Variants in PLPP4 observed in about 807,000 individuals in gnomAD.
PLPP4 encodes the protein phospholipid phosphatase 4, also known as diacylglycerol pyrophosphate like 2.
In PLPP4, 20 loss-of-function variants were observed where a neutral mutation model predicts 32.2. That is an observed-to-expected ratio of 0.62 (90% CI 0.44 to 0.90). The LOEUF (loss-of-function observed/expected upper bound fraction) is 0.90. PLPP4 is among the 40% of genes least tolerant of loss of function. The pLI is 0.00. For missense variants in PLPP4, 257 were observed against 353.1 expected (o/e 0.73, Z 2.18); for synonymous variants, 127 against 133.0 (o/e 0.95, Z 0.31).
chr10:120,538,837 G>A (rs1847194949), intron 5 of PLPP4, among the ~76,000 whole-genome samples: 1 of 152,064 alleles, frequency 6.6e-6, no homozygotes, highest in South Asian at 2.1e-4. Context: ...ACTATTACTA[G>A]CCCTATTGTC....
At position 120,487,537 on chromosome 10, in the gene PLPP4, A is replaced by G. The variant is rs76795245; in HGVS notation, c.57-16281A>G. On this transcript the variant is annotated intron_variant, in intron 1 of 6. Transcript: ENST00000398250. The stretch of plus-strand genomic sequence containing the variant: ...CATTTGATTTATTTCTCAGCTTACT[A>G]TTAGCTTCCTTTTATCAATATTACT... 9.2e-3 allele frequency among the ~76,000 whole-genome samples: 1,403 copies of G among 152,330 alleles called. 17 individuals are homozygous for G. The highest frequency in any genetic ancestry group is 0.032 in the African/African-American group (1,311 of 41,564).
intron 5 of PLPP4, among the ~76,000 whole-genome samples, chr10:120,527,149 T>C (rs540110526): frequency 1.3e-5 from 2 of 152,328 alleles, no homozygotes; most frequent in South Asian, 4.1e-4. Context: ...CATGTATCTA[T>C]CTTAGCAATC....
chr10:120,574,164 A>ACTCTCT (rs1564850141), intron 5 of PLPP4, among the ~76,000 whole-genome samples: 3 of 67,648 alleles, frequency 4.4e-5, no homozygotes, highest in Non-Finnish European at 8.6e-5. Flanking sequence ...ACACACACAC[A>ACTCTCT]CACACTCTCT....
At chr10:120,491,547 A>T (rs1844725112) in intron 1 of PLPP4, among the ~76,000 whole-genome samples, 3 of 152,286 alleles carry the variant, frequency 2.0e-5, no homozygotes, top group South Asian at 4.2e-4. Flanking sequence ...GTCTTCACTG[A>T]AATCTAGATG....
At chr10:120,461,375 C>G (rs989813294) in intron 1 of PLPP4, among the ~76,000 whole-genome samples, 2 of 152,192 alleles carry the variant, frequency 1.3e-5, no homozygotes. Flanking sequence ...AAGATGATGA[C>G]GATCTCATGT....
intron 6 of PLPP4, among the ~76,000 whole-genome samples, chr10:120,582,223 CAA>C (rs949035161): frequency 6.6e-6 from 1 of 152,232 alleles, no homozygotes; most frequent in African/African-American, 2.4e-5. Context: ...AGTCTGAAAT[CAA>C]AGTGTTGGCA....
chr10:120,529,589 G>A (rs1167426048), intron 5 of PLPP4, among the ~76,000 whole-genome samples: 1 of 152,152 alleles, frequency 6.6e-6, no homozygotes, highest in Non-Finnish European at 1.5e-5. Context: ...GCTCATGTCT[G>A]TAATCTCAGT....
At chr10:120,532,346 A>G (rs1846778374) in intron 5 of PLPP4, among the ~76,000 whole-genome samples, 1 of 152,130 alleles carries the variant, frequency 6.6e-6, no homozygotes, top group Non-Finnish European at 1.5e-5. Flanking sequence ...AGTCTTTGCT[A>G]TTGTGAATAG....
chr10:120,480,649 G>A (rs1844157274), intron 1 of PLPP4, among the ~76,000 whole-genome samples: 1 of 152,134 alleles, frequency 6.6e-6, no homozygotes. Flanking sequence ...GGCAGTTTGT[G>A]GAATTAGTAA....
chr10:120,533,904 A>G (rs1846864689), intron 5 of PLPP4, among the ~76,000 whole-genome samples: 2 of 152,140 alleles, frequency 1.3e-5, no homozygotes, highest in Non-Finnish European at 2.9e-5. Flanking sequence ...TTGTGCTGCT[A>G]TTAGCAAATA....
intron 1 of PLPP4, among the ~76,000 whole-genome samples, chr10:120,499,148 C>G (rs1181779061): frequency 2.0e-5 from 3 of 152,206 alleles, no homozygotes; most frequent in African/African-American, 4.8e-5. Flanking sequence ...ATTTCTTTAG[C>G]CTTTTCTTGA....
chr10:120,568,284 G>A (rs377479589), intron 5 of PLPP4, among the ~76,000 whole-genome samples: 1 of 152,324 alleles, frequency 6.6e-6, no homozygotes, highest in East Asian at 1.9e-4. Flanking sequence ...TCCTGTGCTG[G>A]CTGAGACCCT....
chr10:120,585,555 C>A (rs1589937673), intron 6 of PLPP4, among the ~76,000 whole-genome samples: 1 of 152,176 alleles, frequency 6.6e-6, no homozygotes, highest in Non-Finnish European at 1.5e-5. Context: ...TTGGCATGCT[C>A]CATGAAATAA....
chr10:120,463,011 G>A (rs193091294), intron 1 of PLPP4, among the ~76,000 whole-genome samples: 2 of 135,560 alleles, frequency 1.5e-5, no homozygotes, highest in Admixed American at 8.1e-5. Flanking sequence ...CTAGAAACAA[G>A]TTTCTTTCTT....
At chr10:120,548,006 C>A (rs11199393) in intron 5 of PLPP4, among the ~76,000 whole-genome samples, 6,684 of 152,172 alleles carry the variant, frequency 0.044, 244 homozygotes, top group South Asian at 0.2. Context: ...ATAATGAACA[C>A]ATGTGGACCA....
chr10:120,538,170 G>T (rs1206434085), intron 5 of PLPP4, among the ~76,000 whole-genome samples: 1 of 147,992 alleles, frequency 6.8e-6, no homozygotes, highest in Non-Finnish European at 1.5e-5. Context: ...GTCTGGATAA[G>T]TCATTCCCAT....
chr10:120,457,393 C>T, intron 1 of PLPP4, 32 bp downstream of exon 1: 2 of 1,522,864 alleles, frequency 1.3e-6, no homozygotes, highest in Non-Finnish European at 1.8e-6. Flanking sequence ...GCAGGGCGCA[C>T]TGACGCGGGG....
intron 1 of PLPP4, among the ~76,000 whole-genome samples, chr10:120,479,013 T>A (rs1237183878): frequency 2.0e-5 from 3 of 152,152 alleles, no homozygotes; most frequent in African/African-American, 4.8e-5. Flanking sequence ...GATCATGAGG[T>A]CAGGAGATCG....
intron 1 of PLPP4, among the ~76,000 whole-genome samples, chr10:120,477,351 G>T (rs1173945007): frequency 6.8e-6 from 1 of 147,562 alleles, no homozygotes; most frequent in Admixed American, 6.7e-5. Context: ...TCGAATAATT[G>T]TAATTATTTC....
Sources: gnomAD v4.1 joint callset for allele counts (sites outside exome capture counted in the v4.1 genomes callset) on GRCh38, gnomAD v4.1.1 for gene constraint, MANE v1.5 for transcripts, NCBI Gene and HGNC (gene_info 2026-07-23, HGNC 2026-07-21) for gene names.